PSD3: variants seen among roughly 807,000 people sequenced by gnomAD.
PSD3 encodes PH and SEC7 domain-containing protein 3.
Under a neutral mutation model 105.5 loss-of-function variants are expected in PSD3, and 49 were observed. The ratio of observed to expected loss-of-function variants is 0.46; its 90% CI spans 0.37 to 0.59. The LOEUF (loss-of-function observed/expected upper bound fraction) is 0.59. PSD3 is among the 20% of genes least tolerant of loss of function. The probability of loss-of-function intolerance (pLI) is 0.00; values close to 1 mark genes in which losing one functional copy is unlikely to be tolerated. For missense variants in PSD3, 1,561 were observed against 1,263.8 expected (o/e 1.24, Z -3.57); for synonymous variants, 557 against 457.8 (o/e 1.22, Z -2.77).
chr8:18,540,179 G>C (rs529928871), intron 15 of PSD3, among the ~76,000 whole-genome samples: 12 of 152,160 alleles, frequency 7.9e-5, no homozygotes, highest in Non-Finnish European at 1.6e-4. Flanking sequence ...AGCTTCTTTT[G>C]CTATTCTGAT....
chr8:19,084,543 C>G (rs1168723214), exon 1 of PSD3: 2 of 392,276 alleles, frequency 5.1e-6, no homozygotes, highest in African/African-American at 4.1e-5. Context: ...GGGAGCTGGG[C>G]TAGGAAGCCT....
At chr8:18,907,932 G>C (rs956284728) in intron 2 of PSD3, among the ~76,000 whole-genome samples, 2 of 152,038 alleles carry the variant, frequency 1.3e-5, no homozygotes, top group East Asian at 3.9e-4. Flanking sequence ...TTTTGCACTC[G>C]GCACACAAGA....
chr8:19,073,495 G>A (rs1296943464), intron 1 of PSD3, among the ~76,000 whole-genome samples: 1 of 144,740 alleles, frequency 6.9e-6, no homozygotes, highest in African/African-American at 2.6e-5. Context: ...AGGTTGCAGT[G>A]AGCCGAGATC....
At chr8:18,888,764 G>A (rs1162429884) in intron 2 of PSD3, among the ~76,000 whole-genome samples, 3 of 152,150 alleles carry the variant, frequency 2.0e-5, no homozygotes, top group South Asian at 2.1e-4. Context: ...TAACCAGTCC[G>A]TGAATCACCA....
At chr8:18,973,945 T>G (rs1390040995) in intron 1 of PSD3, among the ~76,000 whole-genome samples, 1 of 152,230 alleles carries the variant, frequency 6.6e-6, no homozygotes, top group African/African-American at 2.4e-5. Flanking sequence ...GGCCTGCTCT[T>G]GCACAGTGTC....
At chr8:18,834,629 C>A (rs1173976980) in intron 4 of PSD3, among the ~76,000 whole-genome samples, 1 of 152,152 alleles carries the variant, frequency 6.6e-6, no homozygotes, top group African/African-American at 2.4e-5. Flanking sequence ...TAAACTATGA[C>A]TGGGTACGTG....
chr8:18,916,609 A>C (rs1333224489), intron 2 of PSD3, among the ~76,000 whole-genome samples: 2 of 151,216 alleles, frequency 1.3e-5, no homozygotes, highest in Non-Finnish European at 3.0e-5. Context: ...GGTGTTGGTC[A>C]AATGGAACAA....
intron 4 of PSD3, among the ~76,000 whole-genome samples, chr8:18,811,044 T>C (rs748326702): frequency 2.0e-5 from 3 of 152,196 alleles, no homozygotes; most frequent in South Asian, 2.1e-4. Context: ...GAGCACATCA[T>C]CTAATTCCCA....
intron 2 of PSD3, among the ~76,000 whole-genome samples, chr8:18,893,588 T>C (rs987644627): frequency 4.6e-5 from 7 of 151,758 alleles, no homozygotes; most frequent in Admixed American, 4.6e-4. Flanking sequence ...CACCTCTCTG[T>C]AGGGATGAAT....
At chr8:18,751,679 C>T (rs901642063) in intron 9 of PSD3, among the ~76,000 whole-genome samples, 3 of 150,120 alleles carry the variant, frequency 2.0e-5, no homozygotes, top group East Asian at 3.9e-4. Flanking sequence ...CACTGCTAGC[C>T]ACTTAACACA....
At chr8:19,068,976 C>G (rs73206470) in intron 1 of PSD3, among the ~76,000 whole-genome samples, 2,901 of 152,188 alleles carry the variant, frequency 0.019, 59 homozygotes, top group Non-Finnish European at 0.027. Flanking sequence ...CTCCCCTCCC[C>G]CAAATCCTTA....
intron 1 of PSD3, among the ~76,000 whole-genome samples, chr8:18,975,090 T>A (rs993942520): frequency 4.6e-5 from 7 of 151,992 alleles, no homozygotes; most frequent in African/African-American, 1.7e-4. Flanking sequence ...TGAGGCCTGC[T>A]GGGTGGCAGG....
intron 12 of PSD3, among the ~76,000 whole-genome samples, chr8:18,591,411 G>A (rs746279206): frequency 6.6e-6 from 1 of 152,314 alleles, no homozygotes; most frequent in Non-Finnish European, 1.5e-5. Context: ...TGGGTGGTTC[G>A]CTGCAGTCAG....
intron 15 of PSD3, among the ~76,000 whole-genome samples, chr8:18,547,764 T>G (rs192060979): frequency 9.2e-5 from 14 of 152,354 alleles, no homozygotes; most frequent in Middle Eastern, 3.4e-3. Context: ...ATAATATGTC[T>G]TGGTGAATTC....
At chr8:19,074,716 G>A (rs1829404633) in intron 1 of PSD3, among the ~76,000 whole-genome samples, 1 of 145,762 alleles carries the variant, frequency 6.9e-6, no homozygotes, top group South Asian at 2.2e-4. Flanking sequence ...CGCCTCCCGG[G>A]TTCACGCCAT....
intron 11 of PSD3, among the ~76,000 whole-genome samples, chr8:18,609,825 C>T (rs1805118908): frequency 1.3e-5 from 2 of 152,210 alleles, no homozygotes; most frequent in South Asian, 4.1e-4. Context: ...TATCCTCAGG[C>T]ATCACAAGAT....
chr8:18,847,356 A>G (rs1815180086), intron 4 of PSD3, among the ~76,000 whole-genome samples: 2 of 152,186 alleles, frequency 1.3e-5, no homozygotes, highest in African/African-American at 4.8e-5. Flanking sequence ...GAACAATGCA[A>G]AACGTCAAGC....
chr8:18,770,670 G>C (rs939838598), intron 8 of PSD3, among the ~76,000 whole-genome samples: 1 of 152,220 alleles, frequency 6.6e-6, no homozygotes, highest in African/African-American at 2.4e-5. Context: ...ATCTGGGGAG[G>C]GGTGCCAGTG....
At chr8:19,023,082 TAG>T (rs1827417135) in intron 1 of PSD3, among the ~76,000 whole-genome samples, 1 of 152,158 alleles carries the variant, frequency 6.6e-6, no homozygotes, top group Non-Finnish European at 1.5e-5. Context: ...ACCTCCATCA[TAG>T]AGTCTTATAT....
Sources: gnomAD v4.1 joint callset for allele counts (sites outside exome capture counted in the v4.1 genomes callset) on GRCh38, gnomAD v4.1.1 for gene constraint, MANE v1.5 for transcripts, NCBI Gene and HGNC (gene_info 2026-07-23, HGNC 2026-07-21) for gene names.